The following PTPN22 variants were observed in gnomAD, a reference collection of about 807,000 sequenced individuals.
PTPN22 encodes protein tyrosine phosphatase non-receptor type 22, also known as tyrosine-protein phosphatase non-receptor type 22.
Under a neutral mutation model 103.3 loss-of-function variants are expected in PTPN22, and 85 were observed. That is an observed-to-expected ratio of 0.82 (90% confidence interval 0.69 to 0.99). PTPN22 has a LOEUF of 0.99. Among genes scored for constraint, PTPN22 ranks in the 50% least tolerant of loss-of-function variants. The pLI is 0.00. For missense variants in PTPN22, 865 were observed against 936.9 expected, an observed-to-expected ratio of 0.92 and a Z score of 1.00; for synonymous variants, 323 against 310.2, an observed-to-expected ratio of 1.04 and a Z score of -0.43.
Position 113,856,617 on chromosome 1 carries a change from T to C in PTPN22, c.411A>G (p.Lys137=), listed in dbSNP as rs766669555. 3 of 1,614,052 alleles carry C rather than the reference T, an allele frequency of 1.9e-6. No individual in the cohort carries two copies. In the South Asian group the frequency reaches 3.3e-5, roughly 18 times the overall value. ...GCTCAGCCCAGTAGCGCTCACACTTTTTCTGTTGCACAAAGCAGAATACAG... is the reference window on the plus strand; with the variant it reads ...GCTCAGCCCAGTAGCGCTCACACTTCTTCTGTTGCACAAAGCAGAATACAG... The change falls in exon 6 of 21, where the codon AAA becomes AAG. Residue 137 remains lysine, a splice_region_variant and synonymous_variant. Coordinates refer to ENST00000359785, the Ensembl canonical transcript of PTPN22.
At chr1:113,829,649 A>C in exon 18 of PTPN22, 2 of 1,610,250 alleles carry the variant, frequency 1.2e-6, no homozygotes, top group Non-Finnish European at 1.7e-6. Flanking sequence ...AAGATGTTGA[A>C]TTTTCCATGG....
At chr1:113,852,030 C>T (rs774779735) in exon 10 of PTPN22, 25 of 1,601,354 alleles carry the variant, frequency 1.6e-5, no homozygotes, top group Admixed American at 3.3e-5. Flanking sequence ...TTCATACCTG[C>T]GTTTGAACTA....
chr1:113,823,245 T>TTGAA (rs1231257325), intron 19 of PTPN22: 2 of 152,138 alleles, frequency 1.3e-5, no homozygotes, highest in African/African-American at 4.8e-5. Flanking sequence ...CAAATATTCA[T>TTGAA]TGAATGAATG....
intron 19 of PTPN22, 26 bp from the exon 20 acceptor site, chr1:113,819,680 G>A: frequency 6.7e-7 from 1 of 1,495,610 alleles, no homozygotes; most frequent in Non-Finnish European, 9.2e-7. Context: ...AAAAATATAA[G>A]GGAAAGACTA....
rs1229709264 is a variant in PTPN22, at chr1:113,829,863, AC to A, written c.2134+85del. ...TATTCTTTTGTGTAATCATTTTTGTACCTTTCCATTTAGGTCCTACTTTATT... is the reference window on the plus strand; with the variant it reads ...TATTCTTTTGTGTAATCATTTTTGTACTTTCCATTTAGGTCCTACTTTATT... On this transcript the variant is annotated intron_variant, in intron 17 of 20. Transcript: ENST00000359785. 7.5e-6 allele frequency: 10 copies of A among 1,326,942 alleles called. No individual in the cohort carries two copies. In the Admixed American group the frequency reaches 1.8e-4, roughly 24 times the overall value. The allele number at this position is 1,326,942 out of a possible 1,614,324, so 82.2% of individuals were successfully genotyped here. A position where few individuals can be genotyped will look rare whatever the true frequency, so the allele number is the denominator to read the frequency against.
intron 18 of PTPN22, among the ~76,000 whole-genome samples, chr1:113,828,441 G>C (rs1662271436): frequency 1.3e-5 from 2 of 151,966 alleles, no homozygotes; most frequent in African/African-American, 4.8e-5. Flanking sequence ...TCCTAGTATA[G>C]ATGTAAGGAA....
chr1:113,857,840 T>C (rs1469575808), intron 4 of PTPN22, 64 bp from the exon 5 acceptor site: 3 of 1,428,284 alleles, frequency 2.1e-6, no homozygotes, highest in South Asian at 1.2e-5. Flanking sequence ...AGTTAATACA[T>C]GGATCCCAGA....
exon 21 of PTPN22, chr1:113,814,330 C>T (rs964586948): frequency 1.3e-5 from 2 of 152,110 alleles, no homozygotes; most frequent in African/African-American, 2.4e-5. Flanking sequence ...AAATAATTGT[C>T]ATTATTTGCA....
intron 9 of PTPN22, among the ~76,000 whole-genome samples, chr1:113,853,859 C>CTTTTTTTTTTTTTTTTTTTT (rs894010114): frequency 1.5e-5 from 1 of 67,152 alleles, no homozygotes; most frequent in Non-Finnish European, 2.6e-5. Context: ...TTTTTTTTTG[C>CTTTTTTTTTTTTTTTTTTTT]TTTTTTTTTT....
rs532811434 is a variant in PTPN22 at position 113,868,964 on chromosome 1, C to T, written c.87+2573G>A. ...TTTGGCTGGGCGTGGTGGCTCATGC[C>T]TATAATCCTAGTACTTTGGGAGGCT... On this transcript the variant is annotated intron_variant, in intron 1 of 20. Coordinates refer to ENST00000359785, the Ensembl canonical transcript of PTPN22. 3.9e-5 allele frequency among the ~76,000 whole-genome samples: 6 copies of T among 152,204 alleles called. No individual in the cohort carries two copies. In the South Asian group the frequency reaches 1.2e-3, roughly 32 times the overall value.
chr1:113,854,520 G>T, exon 9 of PTPN22: 2 of 1,613,800 alleles, frequency 1.2e-6, no homozygotes, highest in Non-Finnish European at 1.7e-6. Context: ...AATAACACCA[G>T]TCCTTCCACA....
chr1:113,852,652 A>G (rs184270176), intron 9 of PTPN22, among the ~76,000 whole-genome samples: 48 of 152,272 alleles, frequency 3.2e-4, no homozygotes, highest in African/African-American at 1.0e-3. Flanking sequence ...TAGAGACATG[A>G]TTCAATTCAA....
chr1:113,848,133 C>T (rs1368379126), intron 11 of PTPN22, among the ~76,000 whole-genome samples: 1 of 152,078 alleles, frequency 6.6e-6, no homozygotes, highest in Non-Finnish European at 1.5e-5. Flanking sequence ...ACTGCGACCT[C>T]CACCTCCCAG....
chr1:113,834,506 G>T, intron 14 of PTPN22, 67 bp from the exon 15 acceptor site: 1 of 1,471,498 alleles, frequency 6.8e-7, no homozygotes, highest in Non-Finnish European at 9.5e-7. Flanking sequence ...ATGTTGCTCA[G>T]CAAATAATAC....
intron 16 of PTPN22, among the ~76,000 whole-genome samples, chr1:113,832,497 GAC>G (rs1406271533): frequency 1.3e-5 from 2 of 152,146 alleles, no homozygotes; most frequent in African/African-American, 4.8e-5. Flanking sequence ...GTTTTTTAGA[GAC>G]AGCATCTTGC....
intron 1 of PTPN22, among the ~76,000 whole-genome samples, chr1:113,867,691 T>C (rs531280696): frequency 2.6e-5 from 4 of 152,352 alleles, no homozygotes; most frequent in South Asian, 4.1e-4. Context: ...AAGCACTCAA[T>C]GAATGTTTAT....
chr1:113,851,912 C>T (rs1265135368), intron 10 of PTPN22, 115 bp downstream of exon 10: 14 of 629,140 alleles, frequency 2.2e-5, no homozygotes, highest in African/African-American at 5.5e-5. Flanking sequence ...CTCTAGAGCA[C>T]GTAATGGTAA....
intron 7 of PTPN22, 80 bp from the exon 8 acceptor site, chr1:113,855,129 G>A: frequency 2.3e-6 from 3 of 1,277,604 alleles, no homozygotes; most frequent in Non-Finnish European, 3.3e-6. Context: ...TCACTACCTG[G>A]GTGATGGGAT....
At chr1:113,836,135 G>C (rs977876991) in intron 13 of PTPN22, among the ~76,000 whole-genome samples, 8 of 152,150 alleles carry the variant, frequency 5.3e-5, no homozygotes, top group Non-Finnish European at 7.4e-5. Context: ...TATTTATTAA[G>C]AAACTCTACA....
Sources: allele counts gnomAD v4.1 joint callset (sites outside exome capture counted in the v4.1 genomes callset), GRCh38; gene constraint gnomAD v4.1.1; transcripts MANE v1.5; gene names NCBI Gene and HGNC (gene_info 2026-07-23, HGNC 2026-07-21).